The following IMPG2 variants were observed in gnomAD, a reference collection of about 807,000 sequenced individuals.
IMPG2 encodes the protein IPM 200.
In IMPG2, 91 loss-of-function variants were observed where a neutral mutation model predicts 129.2. The observed-to-expected ratio is 0.70, with a 90% CI of 0.59 to 0.84. The LOEUF (loss-of-function observed/expected upper bound fraction) is 0.84, where lower values mean the gene tolerates loss of function less well. Ranked by LOEUF, IMPG2 falls within the 40% of genes least tolerant of loss-of-function variation. The pLI, the probability that IMPG2 is intolerant of heterozygous loss-of-function variation, is 0.00. For missense variants in IMPG2, 1,430 were observed against 1,461.7 expected (o/e 0.98, Z 0.35); for synonymous variants, 510 against 517.7 (o/e 0.99, Z 0.20).
In IMPG2 at chr3:101,232,889, T is replaced by C. The variant is rs990633116; in HGVS notation, c.3125A>G (p.Tyr1042Cys). Residue 1042 changes from tyrosine (Y) to cysteine (C), a missense_variant, in exon 15 of 19, where the codon TAC becomes TGC. Tyr to Cys is a radical substitution (Grantham distance 194, BLOSUM62 -2). Coordinates refer to ENST00000193391, the MANE Select transcript of IMPG2 (RefSeq NM_016247.4). ...ACAGGGCCGTTCTTCCACACTCAGGTATCCAGGGAAGCATCTGCACTTTGC... is the reference window on the plus strand; with the variant it reads ...ACAGGGCCGTTCTTCCACACTCAGGCATCCAGGGAAGCATCTGCACTTTGC... ...GEAKCRCFPG[Y>C]LSVEERPCQS... 6 of 1,613,874 alleles carry C rather than the reference T, an allele frequency of 3.7e-6. No homozygotes were observed. The highest frequency in any genetic ancestry group is 4.2e-6 in the Non-Finnish European group (5 of 1,179,990).
chr3:101,304,447 G>A (rs1707168387), intron 2 of IMPG2, 135 bp from the exon 3 acceptor site: 2 of 767,624 alleles, frequency 2.6e-6, no homozygotes, highest in Non-Finnish European at 2.2e-6. Flanking sequence ...ATGATTCTCA[G>A]TCAAAGGCCT....
intron 10 of IMPG2, among the ~76,000 whole-genome samples, chr3:101,256,217 G>GAAAGAAAGAAAGAAAAAGAACGAACA (rs1553682324): frequency 1.3e-4 from 18 of 138,276 alleles, no homozygotes; most frequent in African/African-American, 4.7e-4. Flanking sequence ...AAGAAAGAAA[G>GAAAGAAAGAAAGAAAAAGAACGAACA]AAAAAAATAT....
chr3:101,305,528 A>G (rs901140896), intron 2 of IMPG2, among the ~76,000 whole-genome samples: 1 of 152,200 alleles, frequency 6.6e-6, no homozygotes, highest in African/African-American at 2.4e-5. Context: ...ATTGTAACAC[A>G]TATGCCACAA....
chr3:101,243,144 CAT>C (rs1158009617), intron 13 of IMPG2, among the ~76,000 whole-genome samples: 1 of 152,192 alleles, frequency 6.6e-6, no homozygotes, highest in Admixed American at 6.5e-5. Context: ...GGAATTCATA[CAT>C]AGTTTTAGAC....
intron 4 of IMPG2, among the ~76,000 whole-genome samples, chr3:101,276,977 G>A (rs991566781): frequency 6.6e-6 from 1 of 152,004 alleles, no homozygotes; most frequent in Non-Finnish European, 1.5e-5. Flanking sequence ...TCTCTTCTCA[G>A]TTCTTATCAC....
intron 11 of IMPG2, among the ~76,000 whole-genome samples, chr3:101,248,302 A>G (rs1406835306): frequency 6.6e-6 from 1 of 152,078 alleles, no homozygotes; most frequent in African/African-American, 2.4e-5. Flanking sequence ...CCTGCACAAG[A>G]GCTCATCTCT....
chr3:101,240,398 T>A (rs1262294087), intron 14 of IMPG2, among the ~76,000 whole-genome samples: 1 of 152,310 alleles, frequency 6.6e-6, no homozygotes, highest in Admixed American at 6.5e-5. Flanking sequence ...GGATTACAAG[T>A]GTGAGTCACA....
In IMPG2 at chr3:101,228,408, A is replaced by G. The variant is rs188067786; in HGVS notation, c.3713+389T>C. ...AAAAATATTTTATGGCATCAGATCAATCAGATCACTAGTGAGATCTATGAC... is the reference window on the plus strand; with the variant it reads ...AAAAATATTTTATGGCATCAGATCAGTCAGATCACTAGTGAGATCTATGAC... On this transcript the variant is annotated intron_variant, in intron 18 of 18. Transcript: ENST00000193391. 2.0e-5 allele frequency among the ~76,000 whole-genome samples: 3 copies of G among 152,362 alleles called. No individual in the cohort carries two copies. In the East Asian group the frequency reaches 5.8e-4, roughly 29 times the overall value.
At chr3:101,248,239 C>G (rs1268690293) in intron 11 of IMPG2, among the ~76,000 whole-genome samples, 2 of 152,044 alleles carry the variant, frequency 1.3e-5, no homozygotes, top group Non-Finnish European at 2.9e-5. Flanking sequence ...TTGCTGTTCT[C>G]GTGATAGTGA....
At chr3:101,320,156 G>T in intron 1 of IMPG2, 132 bp downstream of exon 1, 1 of 681,420 alleles carries the variant, frequency 1.5e-6, no homozygotes, top group Non-Finnish European at 2.5e-6. Flanking sequence ...CGGTTTAAAT[G>T]AAGCCATATC....
intron 14 of IMPG2, among the ~76,000 whole-genome samples, chr3:101,235,368 C>A (rs566704907): frequency 6.6e-6 from 1 of 152,304 alleles, no homozygotes; most frequent in South Asian, 2.1e-4. Context: ...CAGACTGGAG[C>A]ATTTCAGATT....
At chr3:101,294,151 T>C (rs1707052092) in intron 3 of IMPG2, among the ~76,000 whole-genome samples, 1 of 152,236 alleles carries the variant, frequency 6.6e-6, no homozygotes, top group African/African-American at 2.4e-5. Flanking sequence ...GGTATACATG[T>C]GCCATGGTGG....
At chr3:101,261,757 G>C (rs1234831582) in intron 9 of IMPG2, among the ~76,000 whole-genome samples, 1 of 151,892 alleles carries the variant, frequency 6.6e-6, no homozygotes, top group East Asian at 1.9e-4. Flanking sequence ...ATAGTAATGG[G>C]GTACAAATAT....
In IMPG2 at chr3:101,242,919, A is replaced by C. The variant is rs887301137; in HGVS notation, c.2803-12T>G. 6.2e-7 allele frequency: 1 copy of C among 1,606,570 alleles called. No homozygotes were observed. The highest frequency in any genetic ancestry group is 1.3e-5 in the African/African-American group (1 of 74,736). ...AGATAGGGAACCAGCTACAATATAC[A>C]AAAGTGGTAAGTTTATTGACAGCGT... On this transcript the variant is annotated splice_polypyrimidine_tract_variant and intron_variant, in intron 13 of 18. Coordinates refer to ENST00000193391, the MANE Select transcript of IMPG2 (RefSeq NM_016247.4).
At chr3:101,273,553 CTTGT>C (rs777628837) in intron 7 of IMPG2, 24 bp downstream of exon 7, 13 of 1,611,148 alleles carry the variant, frequency 8.1e-6, no homozygotes, top group Middle Eastern at 1.7e-4. Context: ...GGCATACTGC[CTTGT>C]TTGTTTTTTT....
intron 15 of IMPG2, among the ~76,000 whole-genome samples, chr3:101,232,143 C>A (rs1706294285): frequency 6.6e-6 from 1 of 152,150 alleles, no homozygotes; most frequent in Non-Finnish European, 1.5e-5. Context: ...CTCATTTGAA[C>A]ACCAGTTTCC....
At position 101,222,860 on chromosome 3, in the gene IMPG2, T is replaced by C. The variant is rs1415007043; in HGVS notation, c.*4109A>G. 1 of 152,232 alleles carries C rather than the reference T, an allele frequency of 6.6e-6. No homozygotes were observed. The highest frequency in any genetic ancestry group is 1.5e-5 in the Non-Finnish European group (1 of 68,042). 9.4% of individuals were successfully genotyped at this position (152,232 alleles called of 1,614,324 possible). On this transcript the variant is annotated 3_prime_UTR_variant, in exon 19 of 19. Transcript: ENST00000193391. The stretch of plus-strand genomic sequence containing the variant: ...TATATGAAAAATTATACCTGTATTC[T>C]CTGATACCACAATTATTTTTTCTAT...
At position 101,224,738 on chromosome 3, in the gene IMPG2, G is replaced by C. The variant is rs1420325624; in HGVS notation, c.*2231C>G. The C allele has an allele frequency of 5.9e-5, 9 of 152,202 alleles. No homozygotes were observed. The highest frequency in any genetic ancestry group is 5.9e-4 in the Admixed American group (9 of 15,288). 9.4% of individuals were successfully genotyped at this position (152,202 alleles called of 1,614,324 possible). ...ACAAAAGTTGTATTCCTCAACTGAG[G>C]CCTCCTGTTCTTTCCCTGATAGTTG... On this transcript the variant is annotated 3_prime_UTR_variant, in exon 19 of 19. Coordinates refer to ENST00000193391, the MANE Select transcript of IMPG2 (RefSeq NM_016247.4).
At chr3:101,255,902 A>G (rs749181674) in intron 10 of IMPG2, among the ~76,000 whole-genome samples, 1 of 151,794 alleles carries the variant, frequency 6.6e-6, no homozygotes, top group Non-Finnish European at 1.5e-5. Flanking sequence ...CATTCACTGA[A>G]GAGAGCATTT....
Sources: gnomAD v4.1 joint callset for allele counts (sites outside exome capture counted in the v4.1 genomes callset) on GRCh38, gnomAD v4.1.1 for gene constraint, MANE v1.5 for transcripts, NCBI Gene and HGNC (gene_info 2026-07-23, HGNC 2026-07-21) for gene names.